The following CORIN variants were observed in gnomAD, a reference collection of about 807,000 sequenced individuals.
CORIN encodes corin, serine peptidase.
CORIN carries 117 observed loss-of-function variants against 125.3 expected under a neutral mutation model. The observed-to-expected ratio is 0.93, with a 90% CI of 0.80 to 1.09. The LOEUF (loss-of-function observed/expected upper bound fraction) is 1.09, where lower values mean the gene tolerates loss of function less well. CORIN is among the 50% of genes least tolerant of loss of function. The pLI is 0.00. For missense variants in CORIN, 1,253 were observed against 1,306.7 expected, an observed-to-expected ratio of 0.96 and a Z score of 0.63; for synonymous variants, 450 against 466.4, an observed-to-expected ratio of 0.96 and a Z score of 0.45.
At chr4:47,736,578 C>T (rs182479558) in intron 5 of CORIN, among the ~76,000 whole-genome samples, 5 of 152,324 alleles carry the variant, frequency 3.3e-5, no homozygotes, top group African/African-American at 4.8e-5. Flanking sequence ...GTACAGATCA[C>T]TCACTTATTA....
In CORIN at chr4:47,623,117, T is replaced by TACAC. The variant is rs1553904959; in HGVS notation, c.2540+450_2540+453dup. On this transcript the variant is annotated intron_variant, in intron 19 of 21. Coordinates refer to ENST00000273857, the MANE Select transcript of CORIN (RefSeq NM_006587.4). ...CTCTCTATATATATATATATATATA[T>TACAC]ACACACACACACACACTCTCTCTGA... is the stretch of plus-strand genomic sequence containing the variant. Among the ~76,000 whole-genome samples the TACAC allele has an allele frequency of 1.1e-3, 146 of 134,500 alleles. 2 individuals are homozygous for TACAC. Among genetic ancestry groups the TACAC allele is most frequent in the African/African-American group, 4.2e-3 (136 of 32,408 alleles). 88.2% of individuals were successfully genotyped at this position (134,500 alleles called of 152,430 possible).
chr4:47,685,803 A>G (rs891175279), intron 6 of CORIN, among the ~76,000 whole-genome samples: 1 of 151,862 alleles, frequency 6.6e-6, no homozygotes, highest in African/African-American at 2.4e-5. Context: ...AGGAATACAG[A>G]AAATAGGCGG....
chr4:47,696,185 G>A (rs1449360203), intron 5 of CORIN, among the ~76,000 whole-genome samples: 1 of 152,136 alleles, frequency 6.6e-6, no homozygotes, highest in East Asian at 1.9e-4. Flanking sequence ...TTTCTGTAGA[G>A]ATTTTTCTAC....
chr4:47,757,868 A>ATACATATATG, intron 4 of CORIN, among the ~76,000 whole-genome samples: 1 of 100,928 alleles, frequency 9.9e-6, no homozygotes, highest in African/African-American at 4.0e-5. Context: ...ATATATATAC[A>ATACATATATG]TATATATATG....
chr4:47,702,249 C>T (rs1346388545), intron 5 of CORIN, among the ~76,000 whole-genome samples: 1 of 152,074 alleles, frequency 6.6e-6, no homozygotes, highest in East Asian at 1.9e-4. Context: ...AACATATAAA[C>T]TACTTCTGAC....
intron 4 of CORIN, among the ~76,000 whole-genome samples, chr4:47,753,435 C>T (rs1005471968): frequency 6.6e-6 from 1 of 152,122 alleles, no homozygotes; most frequent in Non-Finnish European, 1.5e-5. Flanking sequence ...AGGACGCGAT[C>T]TTTTCCAGAC....
chr4:47,619,308 GAGAC>G (rs1444557693), intron 19 of CORIN, among the ~76,000 whole-genome samples: 21 of 152,130 alleles, frequency 1.4e-4, no homozygotes, highest in Admixed American at 4.6e-4. Context: ...AATTAAAAAA[GAGAC>G]AGGCTGAGGA....
rs746143278 is a variant in CORIN at position 47,674,389 on chromosome 4, T to A, written c.1357+4A>T. ...CTATTGCATTTGTCAGCTGTTGTAC[T>A]TACTACAGTTATTCAGACTGTTGTT... On this transcript the variant is annotated splice_donor_region_variant and intron_variant, in intron 10 of 21. Transcript: ENST00000273857. 3.2e-6 allele frequency: 5 copies of A among 1,586,304 alleles called. No homozygotes were observed. In the East Asian group the frequency reaches 1.1e-4, roughly 35 times the overall value.
chr4:47,708,675 C>T (rs1726695223), intron 5 of CORIN, among the ~76,000 whole-genome samples: 2 of 152,184 alleles, frequency 1.3e-5, no homozygotes, highest in Non-Finnish European at 2.9e-5. Context: ...AGCAAGTGTG[C>T]CTTCTCTCCC....
rs1727753335 is a variant in CORIN, at chr4:47,729,411, T to G, written c.799+14991A>C. On this transcript the variant is annotated intron_variant, in intron 5 of 21. Coordinates refer to ENST00000273857, the MANE Select transcript of CORIN (RefSeq NM_006587.4). ...CCTAGCATGTTCTATGTAACAGCCC[T>G]ACAGACAGTTTCTGACAGCTGATTA... Among the ~76,000 whole-genome samples the G allele has an allele frequency of 2.0e-5, 3 of 152,162 alleles. No homozygotes were observed. The South Asian group carries it at 6.2e-4, about 32-fold the overall frequency.
At chr4:47,705,970 C>A (rs1726533656) in intron 5 of CORIN, among the ~76,000 whole-genome samples, 2 of 152,148 alleles carry the variant, frequency 1.3e-5, no homozygotes, top group Admixed American at 1.3e-4. Context: ...AAATATGAAT[C>A]CTCATAAACC....
intron 5 of CORIN, among the ~76,000 whole-genome samples, chr4:47,693,584 C>A (rs1019314588): frequency 1.3e-5 from 2 of 152,056 alleles, no homozygotes; most frequent in Admixed American, 6.6e-5. Flanking sequence ...CATAGAGACC[C>A]AGTGCCCTGT....
rs192184924 is a variant in CORIN at position 47,600,283 on chromosome 4, A to G, written c.2877T>C (p.Phe959=). 1 of 1,613,884 alleles carries G rather than the reference A, an allele frequency of 6.2e-7. No individual in the cohort carries two copies. Among genetic ancestry groups the G allele is most frequent in the Non-Finnish European group, 8.5e-7 (1 of 1,179,852 alleles). Residue 959 remains phenylalanine, a synonymous_variant, in exon 21 of 22, where the codon TTT becomes TTC. Coordinates refer to ENST00000273857, the MANE Select transcript of CORIN (RefSeq NM_006587.4). ...IISLEHCQSY[F]DMKTITTRMI... is the part of the protein sequence containing the mutation. ...TCCGAGTGGTGATGGTCTTCATGTC[A>G]AAGTAGGACTGACAATGTTCCAGAG...
intron 20 of CORIN, among the ~76,000 whole-genome samples, chr4:47,600,857 C>A (rs1313172622): frequency 1.3e-5 from 2 of 152,150 alleles, no homozygotes; most frequent in Non-Finnish European, 2.9e-5. Context: ...ATGTAAGAAC[C>A]TCTAATCCTA....
At chr4:47,719,152 T>C (rs891991117) in intron 5 of CORIN, among the ~76,000 whole-genome samples, 6 of 152,210 alleles carry the variant, frequency 3.9e-5, no homozygotes, top group African/African-American at 1.4e-4. Flanking sequence ...TATCATAAAC[T>C]TTTCTATTCC....
At chr4:47,796,331 T>G (rs189337782) in intron 2 of CORIN, among the ~76,000 whole-genome samples, 45 of 152,138 alleles carry the variant, frequency 3.0e-4, no homozygotes, top group African/African-American at 9.6e-4. Context: ...CTGGGGGCCA[T>G]TATGCTAAGG....
chr4:47,746,073 T>C (rs1444512004), intron 4 of CORIN, among the ~76,000 whole-genome samples: 1 of 152,200 alleles, frequency 6.6e-6, no homozygotes, highest in Non-Finnish European at 1.5e-5. Flanking sequence ...AGTTTCTTGG[T>C]ATAAAGAAGA....
intron 5 of CORIN, among the ~76,000 whole-genome samples, chr4:47,716,829 T>A (rs1467151419): frequency 3.9e-5 from 6 of 152,062 alleles, no homozygotes; most frequent in African/African-American, 7.2e-5. Flanking sequence ...TGTTGACACT[T>A]TATAAATATT....
chr4:47,735,717 A>G (rs1027170608), intron 5 of CORIN, among the ~76,000 whole-genome samples: 2 of 151,996 alleles, frequency 1.3e-5, no homozygotes, highest in Non-Finnish European at 2.9e-5. Flanking sequence ...TCAGGAGATC[A>G]AGACCACCCT....
Sources: gnomAD v4.1 joint callset for allele counts (sites outside exome capture counted in the v4.1 genomes callset) on GRCh38, gnomAD v4.1.1 for gene constraint, MANE v1.5 for transcripts, NCBI Gene and HGNC (gene_info 2026-07-23, HGNC 2026-07-21) for gene names.